Variants in GTF2H1 observed in about 807,000 individuals in gnomAD.
GTF2H1 encodes the protein general transcription factor IIH subunit 1.
In GTF2H1, 16 loss-of-function variants were observed where a neutral mutation model predicts 71.2. The ratio of observed to expected loss-of-function variants is 0.22; its 90% CI spans 0.15 to 0.34. GTF2H1 has a LOEUF of 0.34. Among genes scored for constraint, GTF2H1 ranks in the 10% least tolerant of loss-of-function variants. The pLI is 1.00. For synonymous variants in GTF2H1, 215 were observed against 219.0 expected (o/e 0.98, Z 0.16); for missense variants, 498 against 648.2 (o/e 0.77, Z 2.52).
rs536343345 is a variant in GTF2H1, at chr11:18,351,854, TA to T, written c.1054-22del. On this transcript the variant is annotated intron_variant, in intron 9 of 14. Transcript: ENST00000265963. ...TGTGTAAGAGAAAGTTGTGACAAAA[TA>T]AAAAGTACTGTGTTAATAATTATAG... The T allele has an allele frequency of 1.0e-5, 12 of 1,166,458 alleles. No homozygotes were observed. The African/African-American group carries it at 1.8e-4, about 18-fold the overall frequency. The allele number at this position is 1,166,458 out of a possible 1,614,324, so 72.3% of individuals were successfully genotyped here.
intron 11 of GTF2H1, among the ~76,000 whole-genome samples, chr11:18,352,844 C>G (rs1256335848): frequency 6.6e-6 from 1 of 152,202 alleles, no homozygotes; most frequent in African/African-American, 2.4e-5. Flanking sequence ...GTCAGTTCTG[C>G]CTTCAATAAT....
intron 1 of GTF2H1, among the ~76,000 whole-genome samples, chr11:18,327,789 A>G (rs764589226): frequency 3.3e-5 from 5 of 152,166 alleles, no homozygotes; most frequent in African/African-American, 1.2e-4. Context: ...GGGTTTTGCT[A>G]TGTTGCACGG....
chr11:18,345,813 A>T (rs1295107978), intron 7 of GTF2H1, among the ~76,000 whole-genome samples: 1 of 21,842 alleles, frequency 4.6e-5, no homozygotes, highest in Non-Finnish European at 1.1e-4. Flanking sequence ...TTTTTTTGAG[A>T]CGGAGTCTTG....
intron 7 of GTF2H1, among the ~76,000 whole-genome samples, chr11:18,344,777 A>C (rs541550174): frequency 6.6e-6 from 1 of 152,022 alleles, no homozygotes; most frequent in African/African-American, 2.4e-5. Context: ...GGCCACTTCT[A>C]CTCATTCATG....
chr11:18,359,898 G>T (rs903566810), intron 13 of GTF2H1, among the ~76,000 whole-genome samples: 1 of 151,664 alleles, frequency 6.6e-6, no homozygotes, highest in Non-Finnish European at 1.5e-5. Flanking sequence ...AAGGCAGGCA[G>T]ATCGCTTGAG....
chr11:18,333,425 T>C (rs1207044507), intron 2 of GTF2H1, 197 bp downstream of exon 2: 1 of 405,754 alleles, frequency 2.5e-6, no homozygotes, highest in Non-Finnish European at 4.3e-6. Context: ...GGTTTACATA[T>C]AATATGTAAA....
intron 13 of GTF2H1, 80 bp downstream of exon 13, chr11:18,358,720 G>A (rs1345143458): frequency 2.5e-6 from 2 of 805,646 alleles, no homozygotes; most frequent in Admixed American, 3.7e-5. Flanking sequence ...GTTTTATTGA[G>A]TCTTACCATG....
intron 12 of GTF2H1, 103 bp from the exon 13 acceptor site, chr11:18,358,422 A>G: frequency 4.6e-6 from 3 of 652,904 alleles, no homozygotes; most frequent in South Asian, 2.0e-5. Context: ...TTTGGCATTG[A>G]CAAAGAGTAC....
At chr11:18,354,279 A>T (rs1227657718) in intron 11 of GTF2H1, among the ~76,000 whole-genome samples, 1 of 152,232 alleles carries the variant, frequency 6.6e-6, no homozygotes, top group Non-Finnish European at 1.5e-5. Flanking sequence ...TTGTGATATT[A>T]AATTTTTTCA....
In GTF2H1 at chr11:18,366,721, T is replaced by C. The variant is rs531218099; in HGVS notation, c.*852T>C. On this transcript the variant is annotated 3_prime_UTR_variant, in exon 15 of 15. Coordinates refer to ENST00000265963, the MANE Select transcript of GTF2H1 (RefSeq NM_005316.4). ...TGGCATGTGCTTTGAAAAGAAGATA[T>C]TGCATTTTTAAGAGTTTAAAAATCT... 9.2e-5 allele frequency: 14 copies of C among 152,672 alleles called. No individual in the cohort carries two copies. Among genetic ancestry groups the C allele is most frequent in the South Asian group, 4.1e-4 (2 of 4,822 alleles). 9.5% of individuals were successfully genotyped at this position (152,672 alleles called of 1,614,324 possible).
intron 9 of GTF2H1, among the ~76,000 whole-genome samples, chr11:18,349,256 G>C (rs181579030): frequency 2.0e-5 from 3 of 152,228 alleles, no homozygotes; most frequent in African/African-American, 7.2e-5. Context: ...AAGCCAGTGA[G>C]GTATTTCTTT....
chr11:18,343,218 G>A (rs577958608), intron 7 of GTF2H1, among the ~76,000 whole-genome samples: 6 of 152,286 alleles, frequency 3.9e-5, no homozygotes, highest in South Asian at 2.1e-4. Context: ...CACTGTGCCC[G>A]GCCCAAGCCC....
At chr11:18,342,890 T>C (rs1865194525) in intron 7 of GTF2H1, among the ~76,000 whole-genome samples, 1 of 152,146 alleles carries the variant, frequency 6.6e-6, no homozygotes, top group African/African-American at 2.4e-5. Context: ...TCTTCTAACA[T>C]TTCTAGGCCC....
chr11:18,356,880 C>G (rs1348851730), intron 11 of GTF2H1, among the ~76,000 whole-genome samples: 1 of 150,732 alleles, frequency 6.6e-6, no homozygotes, highest in Admixed American at 6.6e-5. Context: ...GCCTCAACTT[C>G]CCCAGGCTCA....
chr11:18,354,910 G>A (rs549042919), intron 11 of GTF2H1, among the ~76,000 whole-genome samples: 1 of 151,978 alleles, frequency 6.6e-6, no homozygotes, highest in Non-Finnish European at 1.5e-5. Context: ...CCTGGCTCAA[G>A]CGATCCTCCC....
chr11:18,347,775 T>C, intron 8 of GTF2H1, 57 bp from the exon 9 acceptor site: 2 of 1,595,876 alleles, frequency 1.3e-6, no homozygotes, highest in Non-Finnish European at 1.7e-6. Flanking sequence ...GATGGAGTTG[T>C]GGTGTTGTTT....
At chr11:18,336,027 C>T in intron 3 of GTF2H1, 81 bp downstream of exon 3, 1 of 955,712 alleles carries the variant, frequency 1.0e-6, no homozygotes, top group South Asian at 2.5e-5. Context: ...TGTTAGCTAT[C>T]CCCACGTTTT....
At chr11:18,339,815 A>C (rs954747174) in intron 5 of GTF2H1, among the ~76,000 whole-genome samples, 158 bp downstream of exon 5, 2 of 152,244 alleles carry the variant, frequency 1.3e-5, no homozygotes, top group Admixed American at 6.5e-5. Context: ...CTAGGGGCTC[A>C]GTAAATAATG....
chr11:18,330,156 A>C (rs571469327), intron 1 of GTF2H1, among the ~76,000 whole-genome samples: 2 of 152,202 alleles, frequency 1.3e-5, no homozygotes, highest in Non-Finnish European at 2.9e-5. Flanking sequence ...TTAGTTTTTT[A>C]AAATGGCTTT....
Sources: allele counts gnomAD v4.1 joint callset (sites outside exome capture counted in the v4.1 genomes callset), GRCh38; gene constraint gnomAD v4.1.1; transcripts MANE v1.5; gene names NCBI Gene and HGNC (gene_info 2026-07-23, HGNC 2026-07-21).